Variants in PHF20L1 observed in about 807,000 individuals in gnomAD.
PHF20L1 encodes PHD finger protein 20-like protein 1.
PHF20L1 carries 44 observed loss-of-function variants against 125.5 expected under a neutral mutation model. The ratio of observed to expected loss-of-function variants is 0.35; its 90% CI spans 0.28 to 0.45. The LOEUF (loss-of-function observed/expected upper bound fraction) is 0.45, where lower values mean the gene tolerates loss of function less well. PHF20L1 is among the 20% of genes least tolerant of loss of function. The pLI, the probability that PHF20L1 is intolerant of heterozygous loss-of-function variation, is 1.00. For synonymous variants in PHF20L1, 380 were observed against 403.1 expected, an observed-to-expected ratio of 0.94 and a Z score of 0.69; for missense variants, 1,012 against 1,217.2, an observed-to-expected ratio of 0.83 and a Z score of 2.51.
chr8:132,836,499 T>C, intron 15 of PHF20L1, 41 bp from the exon 16 acceptor site: 2 of 1,310,774 alleles, frequency 1.5e-6, no homozygotes, highest in Non-Finnish European at 2.1e-6. Context: ...AACATGAAAA[T>C]AGAAAAGTTG....
At chr8:132,800,218 G>T (rs1832888327) in intron 6 of PHF20L1, among the ~76,000 whole-genome samples, 1 of 151,616 alleles carries the variant, frequency 6.6e-6, no homozygotes, top group Non-Finnish European at 1.5e-5. Context: ...GGATGTTATG[G>T]ATGTTTGTTT....
chr8:132,809,966 A>G (rs1834183443), intron 8 of PHF20L1: 1 of 152,118 alleles, frequency 6.6e-6, no homozygotes, highest in Non-Finnish European at 1.5e-5. Flanking sequence ...AACCAAGTAA[A>G]TGCCTATATT....
chr8:132,836,440 G>GT, intron 15 of PHF20L1, 100 bp from the exon 16 acceptor site: 2 of 742,004 alleles, frequency 2.7e-6, no homozygotes, highest in East Asian at 2.7e-5. Context: ...TTTTTAAAAT[G>GT]TTTAATAGCT....
Position 132,846,134 on chromosome 8 carries a change from C to A in PHF20L1, c.*211C>A. The A allele has an allele frequency of 2.1e-6, 1 of 480,920 alleles. No individual in the cohort carries two copies. The highest frequency in any genetic ancestry group is 3.5e-5 in the South Asian group (1 of 28,338). The allele number at this position is 480,920 out of a possible 1,614,324, so 29.8% of individuals were successfully genotyped here. A position where few individuals can be genotyped will look rare whatever the true frequency, so the allele number is the denominator to read the frequency against. ...TAAAAACAAATTCATGAGCAAGCTG[C>A]AAATGAGAATGTGTTATATGCCAAG... On this transcript the variant is annotated 3_prime_UTR_variant, in exon 21 of 21. Transcript: ENST00000395386.
intron 16 of PHF20L1, 145 bp downstream of exon 16, chr8:132,836,866 A>T: frequency 1.6e-6 from 1 of 619,794 alleles, no homozygotes; most frequent in Non-Finnish European, 2.9e-6. Context: ...CATAGTAATG[A>T]TTAGGAGATT....
chr8:132,800,239 G>C (rs980077962), intron 6 of PHF20L1, among the ~76,000 whole-genome samples: 43 of 151,638 alleles, frequency 2.8e-4, no homozygotes, highest in African/African-American at 9.9e-4. Context: ...TTAATAAGTA[G>C]TGATTCTTTA....
intron 6 of PHF20L1, 139 bp downstream of exon 6, chr8:132,799,311 C>G (rs770342177): frequency 3.6e-4 from 202 of 566,438 alleles, no homozygotes; most frequent in Non-Finnish European, 5.2e-4. Context: ...AGTCATTCAT[C>G]TTCCTTTAAA....
intron 6 of PHF20L1, among the ~76,000 whole-genome samples, chr8:132,802,239 C>T (rs1383684882): frequency 2.0e-5 from 3 of 151,252 alleles, no homozygotes; most frequent in Non-Finnish European, 4.4e-5. Context: ...GCTGCCCATA[C>T]TGCTCCTTGA....
At chr8:132,788,060 T>G in intron 2 of PHF20L1, among the ~76,000 whole-genome samples, 1 of 152,108 alleles carries the variant, frequency 6.6e-6, no homozygotes, top group East Asian at 1.9e-4. Flanking sequence ...TGCTAATATT[T>G]TAGTTATGTT....
chr8:132,840,313 A>G (rs986787110), intron 18 of PHF20L1, among the ~76,000 whole-genome samples: 18 of 151,602 alleles, frequency 1.2e-4, no homozygotes, highest in Non-Finnish European at 1.9e-4. Flanking sequence ...ATCCATTGCA[A>G]TTTGTGGACA....
intron 19 of PHF20L1, chr8:132,843,497 G>A: frequency 1.0e-6 from 1 of 983,576 alleles, no homozygotes; most frequent in Non-Finnish European, 1.2e-6. Flanking sequence ...AAGTACTTAA[G>A]TGAATTGGAA....
intron 2 of PHF20L1, among the ~76,000 whole-genome samples, chr8:132,786,500 A>G (rs1243623813): frequency 1.3e-5 from 2 of 152,192 alleles, no homozygotes; most frequent in East Asian, 3.9e-4. Context: ...TGATTTTTGT[A>G]TTGTTTTATC....
intron 2 of PHF20L1, among the ~76,000 whole-genome samples, chr8:132,790,341 A>G (rs573161072): frequency 6.5e-4 from 99 of 152,336 alleles, no homozygotes; most frequent in African/African-American, 2.2e-3. Context: ...GTGCAAAGCT[A>G]TATGTTAAAT....
chr8:132,808,491 T>C (rs1413065946), intron 8 of PHF20L1: 1 of 152,072 alleles, frequency 6.6e-6, no homozygotes, highest in Non-Finnish European at 1.5e-5. Flanking sequence ...GTAAAAGATA[T>C]AATTATATAA....
At chr8:132,777,946 C>T in intron 2 of PHF20L1, 35 bp downstream of exon 2, 1 of 1,240,588 alleles carries the variant, frequency 8.1e-7, no homozygotes, top group African/African-American at 1.5e-5. Context: ...CTAAATATCA[C>T]AATATCTGTA....
chr8:132,781,171 C>T (rs1830384264), intron 2 of PHF20L1, among the ~76,000 whole-genome samples: 1 of 151,946 alleles, frequency 6.6e-6, no homozygotes, highest in Admixed American at 6.6e-5. Flanking sequence ...TGGTATGTGT[C>T]TAGACATAAA....
At chr8:132,831,271 T>C (rs1587044101) in intron 14 of PHF20L1, among the ~76,000 whole-genome samples, 2 of 152,200 alleles carry the variant, frequency 1.3e-5, no homozygotes, top group East Asian at 3.9e-4. Flanking sequence ...TTCTCCCTTA[T>C]TCACTGTGTT....
intron 2 of PHF20L1, among the ~76,000 whole-genome samples, chr8:132,783,088 CAA>C (rs1323728586): frequency 3.9e-5 from 6 of 152,034 alleles, no homozygotes; most frequent in Non-Finnish European, 7.4e-5. Context: ...TACAAAAACA[CAA>C]GAGATTAAAT....
At chr8:132,825,462 C>A (rs913527589) in intron 14 of PHF20L1, 91 bp downstream of exon 14, 4 of 1,042,732 alleles carry the variant, frequency 3.8e-6, no homozygotes, top group Non-Finnish European at 4.0e-6. Context: ...AGTCATGACA[C>A]GATCCCCGTG....
Sources: allele counts gnomAD v4.1 joint callset (sites outside exome capture counted in the v4.1 genomes callset), GRCh38; gene constraint gnomAD v4.1.1; transcripts MANE v1.5; gene names NCBI Gene and HGNC (gene_info 2026-07-23, HGNC 2026-07-21).